Variants in CAMK2D observed in about 807,000 individuals in gnomAD.
CAMK2D encodes the protein calcium/calmodulin dependent protein kinase II delta.
Under a neutral mutation model 84.0 loss-of-function variants are expected in CAMK2D, and 37 were observed. That is an observed-to-expected ratio of 0.44 (90% CI 0.34 to 0.58). The LOEUF is 0.58. Ranked by LOEUF, CAMK2D falls within the 20% of genes least tolerant of loss-of-function variation. The pLI is 0.02. For missense variants in CAMK2D, 448 were observed against 652.5 expected, an observed-to-expected ratio of 0.69 and a Z score of 3.41; for synonymous variants, 202 against 212.5, an observed-to-expected ratio of 0.95 and a Z score of 0.43.
At chr4:113,723,610 G>A (rs2099537593) in intron 2 of CAMK2D, among the ~76,000 whole-genome samples, 1 of 152,104 alleles carries the variant, frequency 6.6e-6, no homozygotes, top group Non-Finnish European at 1.5e-5. Flanking sequence ...TCTGAATTGG[G>A]CTAACTGGCC....
Position 113,548,495 on chromosome 4 carries a change from C to A in CAMK2D, c.342-779G>T, listed in dbSNP as rs140150753. On this transcript the variant is annotated intron_variant, in intron 5 of 20. Transcript: ENST00000511664. ...GATGTATATTTAGCCTGTAGATGAGCAAACTGGAAGAGGCATCATGCATTA... is the reference window on the plus strand; with the variant it reads ...GATGTATATTTAGCCTGTAGATGAGAAAACTGGAAGAGGCATCATGCATTA... Among the ~76,000 whole-genome samples, 326 of 152,202 alleles carry A rather than the reference C, an allele frequency of 2.1e-3. 1 individual carries two copies. The highest frequency in any genetic ancestry group is 0.01 in the Middle Eastern group (3 of 294).
In CAMK2D at chr4:113,509,633, C is replaced by T. The variant is rs2098183174; in HGVS notation, c.984+5G>A. 1 of 1,594,890 alleles carries T rather than the reference C, an allele frequency of 6.3e-7. No homozygotes were observed. The highest frequency in any genetic ancestry group is 8.6e-7 in the Non-Finnish European group (1 of 1,162,496). On this transcript the variant is annotated splice_donor_5th_base_variant and intron_variant, in intron 13 of 20. Transcript: ENST00000511664. ...AAATGGATTAGGGGCATCTGTTTAA[C>T]TTACCTTTACTCCATCTGGTTTCTT...
At position 113,672,389 on chromosome 4, in the gene CAMK2D, C is replaced by G. The variant is rs896624278; in HGVS notation, c.161-10617G>C. Among the ~76,000 whole-genome samples, 4 of 152,020 alleles carry G rather than the reference C, an allele frequency of 2.6e-5. No homozygotes were observed. The East Asian group carries it at 7.7e-4, about 29-fold the overall frequency. On this transcript the variant is annotated intron_variant, in intron 2 of 20. Coordinates refer to ENST00000511664, the MANE Select transcript of CAMK2D (RefSeq NM_001321571.2). ...ATTAAGATACTGTAAGTTTGAGATA[C>G]TATGTATTTATTTTTAAGGGAAAAA...
rs192498582 is a variant in CAMK2D, at chr4:113,707,529, T to C, written c.161-45757A>G. On this transcript the variant is annotated intron_variant, in intron 2 of 20. Coordinates refer to ENST00000511664, the MANE Select transcript of CAMK2D (RefSeq NM_001321571.2). ...CTAAGGAAAATTGTGGAATCTTTTC[T>C]AGAATTATTTAAACTAGACAGATAT... Among the ~76,000 whole-genome samples the C allele has an allele frequency of 6.5e-3, 985 of 152,318 alleles. 9 individuals are homozygous for C. Among genetic ancestry groups the C allele is most frequent in the Non-Finnish European group, 0.011 (739 of 68,022 alleles).
chr4:113,643,966 T>C (rs1455027070), intron 3 of CAMK2D, among the ~76,000 whole-genome samples: 1 of 152,168 alleles, frequency 6.6e-6, no homozygotes, highest in East Asian at 1.9e-4. Context: ...TATTTGCAAA[T>C]CAAGGTGAAT....
chr4:113,548,583 C>A, intron 5 of CAMK2D: 2 of 715,984 alleles, frequency 2.8e-6, no homozygotes, highest in Non-Finnish European at 2.4e-6. Context: ...ATTTTAAATA[C>A]CCACCCTCTG....
At chr4:113,750,753 G>A (rs1015337165) in intron 2 of CAMK2D, among the ~76,000 whole-genome samples, 3 of 152,196 alleles carry the variant, frequency 2.0e-5, no homozygotes, top group Non-Finnish European at 4.4e-5. Flanking sequence ...GCTCACGCCT[G>A]TAATCCCAGG....
At chr4:113,694,484 T>C (rs144493392) in intron 2 of CAMK2D, among the ~76,000 whole-genome samples, 1 of 152,114 alleles carries the variant, frequency 6.6e-6, no homozygotes, top group Non-Finnish European at 1.5e-5. Flanking sequence ...AAGCCAAGAA[T>C]GGAGTTTATA....
Position 113,658,115 on chromosome 4 carries a change from A to G in CAMK2D, c.220+3598T>C, listed in dbSNP as rs183128917. On this transcript the variant is annotated intron_variant, in intron 3 of 20. Transcript: ENST00000511664. ...TACACCCTGGGTCAACTACTCTCCA[A>G]TGCATTTGCAGATGTCCACTTATGG... is the stretch of plus-strand genomic sequence containing the variant. Among the ~76,000 whole-genome samples, 1,166 of 152,252 alleles carry G rather than the reference A, an allele frequency of 7.7e-3. 5 individuals are homozygous for G. The highest frequency in any genetic ancestry group is 0.011 in the Non-Finnish European group (760 of 68,000).
In CAMK2D at chr4:113,470,524, G is replaced by A. The variant is rs183130242; in HGVS notation, c.1136-4920C>T. 3.0e-4 allele frequency among the ~76,000 whole-genome samples: 46 copies of A among 152,102 alleles called. No homozygotes were observed. In the East Asian group the frequency reaches 8.1e-3, roughly 27 times the overall value. On this transcript the variant is annotated intron_variant, in intron 16 of 20. Transcript: ENST00000511664. ...GTGGTGGCACGCACATGTAGTCCCA[G>A]CTACTCGGGAGACTGAGGCAGGAGA...
chr4:113,538,099 A>G (rs2154188363), intron 6 of CAMK2D, among the ~76,000 whole-genome samples: 1 of 152,176 alleles, frequency 6.6e-6, no homozygotes, highest in East Asian at 1.9e-4. Flanking sequence ...TTTATAAGCC[A>G]GCTTTTAAAA....
chr4:113,635,850 C>G (rs56360613), intron 3 of CAMK2D, among the ~76,000 whole-genome samples: 7,484 of 152,258 alleles, frequency 0.049, 534 homozygotes, highest in African/African-American at 0.15. Flanking sequence ...TATGTTTTAG[C>G]AAATGCAAGT....
intron 3 of CAMK2D, among the ~76,000 whole-genome samples, chr4:113,617,127 T>C (rs1340521136): frequency 6.6e-6 from 1 of 152,172 alleles, no homozygotes; most frequent in Non-Finnish European, 1.5e-5. Context: ...CCACTATGTA[T>C]TGCAAGTTAG....
Position 113,609,190 on chromosome 4 carries a change from G to T in CAMK2D, c.237C>A (p.Ser79Arg). The T allele has an allele frequency of 6.3e-7, 1 of 1,580,640 alleles. No homozygotes were observed. The highest frequency in any genetic ancestry group is 8.7e-7 in the Non-Finnish European group (1 of 1,149,788). Reference sequence around the variant, plus strand: ...AGTAGTGAAAGCCCTCTTCTGATATGCTATCATGAAGTCGCACTAGAAAAA... The same window carrying T: ...AGTAGTGAAAGCCCTCTTCTGATATTCTATCATGAAGTCGCACTAGAAAAA... ...KHPNIVRLHD[S>R]ISEEGFHYLV... The change falls in exon 4 of 21, where the codon AGC becomes AGA. Residue 79 changes from serine to arginine, a missense_variant. By Grantham distance (110) the Ser-to-Arg change is moderately radical. Transcript: ENST00000511664.
intron 16 of CAMK2D, among the ~76,000 whole-genome samples, chr4:113,480,002 C>T (rs10026236): frequency 0.34 from 51,007 of 151,926 alleles, 8,868 homozygotes; most frequent in Middle Eastern, 0.4. Flanking sequence ...AACTCTGTCG[C>T]CCAGGTTGGG....
At chr4:113,638,061 C>T (rs373239758) in intron 3 of CAMK2D, among the ~76,000 whole-genome samples, 1 of 152,166 alleles carries the variant, frequency 6.6e-6, no homozygotes, top group South Asian at 2.1e-4. Flanking sequence ...TTTGTAGCTT[C>T]AGAGCTGGCT....
chr4:113,682,800 T>C (rs1260953933), intron 2 of CAMK2D, among the ~76,000 whole-genome samples: 1 of 152,198 alleles, frequency 6.6e-6, no homozygotes, highest in African/African-American at 2.4e-5. Flanking sequence ...AGCAAATGTT[T>C]TAAATAAAAT....
At chr4:113,593,199 C>T (rs538346037) in intron 4 of CAMK2D, among the ~76,000 whole-genome samples, 6 of 152,066 alleles carry the variant, frequency 3.9e-5, no homozygotes, top group Admixed American at 6.6e-5. Flanking sequence ...TTTTGGTTTC[C>T]GGTATGGTGT....
intron 2 of CAMK2D, among the ~76,000 whole-genome samples, chr4:113,681,512 G>GC (rs1425702932): frequency 2.0e-5 from 3 of 152,080 alleles, no homozygotes; most frequent in Admixed American, 2.0e-4. Flanking sequence ...TTTATGAATT[G>GC]CCCAGTCTTG....
Sources: gnomAD v4.1 joint callset for allele counts (sites outside exome capture counted in the v4.1 genomes callset) on GRCh38, gnomAD v4.1.1 for gene constraint, MANE v1.5 for transcripts, NCBI Gene and HGNC (gene_info 2026-07-23, HGNC 2026-07-21) for gene names.